The following MYH1 variants were observed in gnomAD, a reference collection of about 807,000 sequenced individuals.
MYH1 encodes myosin heavy chain 1.
A neutral mutation model predicts 225.6 loss-of-function variants in MYH1; 214 were observed. That is an observed-to-expected ratio of 0.95 (90% CI 0.85 to 1.06). The LOEUF (loss-of-function observed/expected upper bound fraction) is 1.06, where lower values mean the gene tolerates loss of function less well. Ranked by LOEUF, MYH1 falls within the 50% of genes least tolerant of loss-of-function variation. The pLI, the probability that MYH1 is intolerant of heterozygous loss-of-function variation, is 0.00. For missense variants in MYH1, 2,098 were observed against 2,344.2 expected, an observed-to-expected ratio of 0.89 and a Z score of 2.17; for synonymous variants, 774 against 842.3, an observed-to-expected ratio of 0.92 and a Z score of 1.40.
At chr17:10,514,927 G>T in intron 5 of MYH1, 32 bp from the exon 6 acceptor site, 1 of 1,606,362 alleles carries the variant, frequency 6.2e-7, no homozygotes, top group Non-Finnish European at 8.5e-7. Flanking sequence ...ATCAGCATAT[G>T]TATCAGTTAC....
chr17:10,516,419 C>G lies in MYH1; in HGVS notation c.204+20G>C. Reference sequence around the variant, plus strand: ...CCAAAATGAGGCAGAGTCTAATCAGCTCCAGGTGTTTTTACTCACAGCTCC... The same window carrying G: ...CCAAAATGAGGCAGAGTCTAATCAGGTCCAGGTGTTTTTACTCACAGCTCC... On this transcript the variant is annotated intron_variant, in intron 3 of 39. Coordinates refer to ENST00000226207, the MANE Select transcript of MYH1 (RefSeq NM_005963.4). The G allele has an allele frequency of 6.2e-7, 1 of 1,614,202 alleles. No individual in the cohort carries two copies. The highest frequency in any genetic ancestry group is 1.6e-4 in the Middle Eastern group (1 of 6,062).
At position 10,512,795 on chromosome 17, in the gene MYH1, G is replaced by A. The variant is rs761547837; in HGVS notation, c.905-11C>T. The A allele has an allele frequency of 3.1e-6, 5 of 1,612,606 alleles. No homozygotes were observed. The East Asian group carries it at 8.9e-5, about 29-fold the overall frequency. ...TGATCAGGAGCATTTCTGGGTCACA[G>A]AATTCAGGGCATATGTTTTACATTA... is the stretch of plus-strand genomic sequence containing the variant. On this transcript the variant is annotated splice_polypyrimidine_tract_variant and intron_variant, in intron 10 of 39. Coordinates refer to ENST00000226207, the MANE Select transcript of MYH1 (RefSeq NM_005963.4).
intron 17 of MYH1, among the ~76,000 whole-genome samples, chr17:10,507,027 G>C (rs2142270015): frequency 6.6e-6 from 1 of 152,228 alleles, no homozygotes; most frequent in South Asian, 2.1e-4. Flanking sequence ...AGTTATTAGA[G>C]ATGGAATCAG....
rs764120209 is a variant in MYH1 at position 10,516,491 on chromosome 17, G to C, written c.152C>G (p.Thr51Arg). The change falls in exon 3 of 40, where the codon ACA (threonine) becomes AGA (arginine). Residue 51 changes from threonine (T) to arginine (R), a missense_variant. By Grantham distance (71) the Thr-to-Arg change is moderately conservative (BLOSUM62 -1). Transcript: ENST00000226207. ...VDPKESFVKA[T>R]VQSREGGKVT... ...CTTCCCCCCTTCCCTGCTCTGCACT[G>C]TTGCTTTCACAAAGGACTCCTTAGG... The C allele has an allele frequency of 8.1e-6, 13 of 1,614,086 alleles. No individual in the cohort carries two copies. Among genetic ancestry groups the C allele is most frequent in the Non-Finnish European group, 8.5e-6 (10 of 1,180,054 alleles).
chr17:10,495,126 G>A (rs745544399), intron 36 of MYH1, 25 bp from the exon 37 acceptor site: 3 of 1,614,206 alleles, frequency 1.9e-6, no homozygotes. Context: ...AACAGAATGG[G>A]TTAAGACAGC....
rs752209461 is a variant in MYH1 at position 10,509,581 on chromosome 17, G to A, written c.1491C>T (p.Phe497=). Residue 497 remains phenylalanine, a synonymous_variant, in exon 15 of 40, where the codon TTC becomes TTT. Coordinates refer to ENST00000226207, the MANE Select transcript of MYH1 (RefSeq NM_005963.4). ...TCTTGTACTCCTCCTGCTCCAGCAC[G>A]AACATGTGGTGGTTGAAAAACTGTT... ...KLQQFFNHHM[F]VLEQEEYKKE... 13 of 1,614,150 alleles carry A rather than the reference G, an allele frequency of 8.1e-6. No individual in the cohort carries two copies. The highest frequency in any genetic ancestry group is 1.3e-5 in the African/African-American group (1 of 75,022).
chr17:10,511,972 C>A lies in MYH1; in HGVS notation c.1283G>T (p.Gly428Val). Residue 428 changes from glycine (G) to valine (V), a missense_variant, in exon 14 of 40, where the codon GGT becomes GTT. Physicochemically the swap from Gly to Val is moderately radical, Grantham distance 109. Transcript: ENST00000226207. ...QTVQQVYNAVGALAKAVYDKM... is the reference protein window; with the variant it reads ...QTVQQVYNAVVALAKAVYDKM... ...ATCGTAGACAGCTTTGGCCAGAGCACCCACTGCATTGTACACCTTCACAGA... is the reference window on the plus strand; with the variant it reads ...ATCGTAGACAGCTTTGGCCAGAGCAACCACTGCATTGTACACCTTCACAGA... The A allele has an allele frequency of 6.2e-7, 1 of 1,614,158 alleles. No individual in the cohort carries two copies. The highest frequency in any genetic ancestry group is 8.5e-7 in the Non-Finnish European group (1 of 1,180,032).
chr17:10,507,627 C>T (rs74728767), intron 17 of MYH1, among the ~76,000 whole-genome samples: 100 of 152,180 alleles, frequency 6.6e-4, no homozygotes, highest in African/African-American at 2.2e-3. Context: ...CGAATTTTGC[C>T]GTCTAATACT....
intron 17 of MYH1, 56 bp from the exon 18 acceptor site, chr17:10,506,155 T>C (rs2073110769): frequency 6.3e-7 from 1 of 1,590,878 alleles, no homozygotes. Context: ...TACATTCATA[T>C]TTATAGACAT....
chr17:10,509,439 A>C (rs774619925), intron 15 of MYH1, 46 bp downstream of exon 15: 7 of 1,612,152 alleles, frequency 4.3e-6, no homozygotes, highest in African/African-American at 1.3e-5. Context: ...TTTCTTTTAA[A>C]TACTGTACAG....
At chr17:10,503,628 C>T (rs879933822) in intron 22 of MYH1, among the ~76,000 whole-genome samples, 7 of 152,086 alleles carry the variant, frequency 4.6e-5, no homozygotes, top group Non-Finnish European at 7.4e-5. Flanking sequence ...AGAAAAGTGC[C>T]TTAACAGGAA....
intron 5 of MYH1, among the ~76,000 whole-genome samples, chr17:10,515,331 AC>A (rs969890467): frequency 1.3e-5 from 2 of 152,184 alleles, no homozygotes; most frequent in African/African-American, 4.8e-5. Flanking sequence ...CCCAAAGTGT[AC>A]CATTGTGTTA....
intron 17 of MYH1, among the ~76,000 whole-genome samples, 195 bp from the exon 18 acceptor site, chr17:10,506,294 A>C (rs1207577404): frequency 2.0e-5 from 3 of 152,150 alleles, no homozygotes; most frequent in Non-Finnish European, 4.4e-5. Context: ...GTGCATTAGA[A>C]GCATAGTTTT....
chr17:10,500,179 A>G (rs1005414029), intron 28 of MYH1, among the ~76,000 whole-genome samples: 1 of 152,188 alleles, frequency 6.6e-6, no homozygotes, highest in Non-Finnish European at 1.5e-5. Flanking sequence ...TAAAATGGGG[A>G]TAGTATTACA....
intron 5 of MYH1, among the ~76,000 whole-genome samples, chr17:10,515,721 GC>G (rs1195210482): frequency 6.6e-6 from 1 of 152,190 alleles, no homozygotes; most frequent in Middle Eastern, 3.2e-3. Flanking sequence ...TAATAGCATG[GC>G]CTAGTAAAGT....
rs762951568 is a variant in MYH1 at position 10,496,064 on chromosome 17, C to T, written c.5055G>A (p.Leu1685=). ...CCCGCAGCTCCTCGATCTCAGCCTG[C>T]AGCAGGTTGGCTCTGCGCTCCACCA... The part of the protein sequence containing the change: ...LAMVERRANL[L]QAEIEELRAT... Residue 1685 remains leucine, a synonymous_variant, in exon 35 of 40, where the codon CTG becomes CTA. Coordinates refer to ENST00000226207, the MANE Select transcript of MYH1 (RefSeq NM_005963.4). 9.9e-6 allele frequency: 16 copies of T among 1,614,066 alleles called. No homozygotes were observed. In the African/African-American group the frequency reaches 2.1e-4, roughly 22 times the overall value.
At position 10,516,194 on chromosome 17, in the gene MYH1, C is replaced by T. The variant is rs759004713; in HGVS notation, c.348+5G>A. ...ATGAGTAGAAGACCGTGAGAAAGAA[C>T]TCACGTAGATCATCCAGGCTGCGTA... On this transcript the variant is annotated splice_donor_5th_base_variant and intron_variant, in intron 4 of 39. Coordinates refer to ENST00000226207, the MANE Select transcript of MYH1 (RefSeq NM_005963.4). 15 of 1,614,160 alleles carry T rather than the reference C, an allele frequency of 9.3e-6. No individual in the cohort carries two copies. The highest frequency in any genetic ancestry group is 1.3e-5 in the Non-Finnish European group (15 of 1,180,020).
chr17:10,496,278 G>A lies in MYH1; in HGVS notation c.4928C>T (p.Ala1643Val), dbSNP rs756229241. ...TTGGGTGTTCCTATAGTTCCTCAGGGCCTCAGCAGCCATGCGGTTGGCATG... is the reference window on the plus strand; with the variant it reads ...TTGGGTGTTCCTATAGTTCCTCAGGACCTCAGCAGCCATGCGGTTGGCATG... ...LNHANRMAAEALRNYRNTQAI... is the reference protein window; with the variant it reads ...LNHANRMAAEVLRNYRNTQAI... Residue 1643 changes from alanine to valine, a missense_variant, in exon 34 of 40, where the codon GCC (alanine) becomes GTC (valine). Ala to Val is a moderately conservative substitution (Grantham distance 64). Coordinates refer to ENST00000226207, the MANE Select transcript of MYH1 (RefSeq NM_005963.4). 1.1e-5 allele frequency: 17 copies of A among 1,614,004 alleles called. No homozygotes were observed. The highest frequency in any genetic ancestry group is 1.4e-5 in the Non-Finnish European group (17 of 1,180,044).
At chr17:10,500,773 A>C (rs1286496590) in intron 27 of MYH1, 21 bp from the exon 28 acceptor site, 3 of 1,613,944 alleles carry the variant, frequency 1.9e-6, no homozygotes, top group Non-Finnish European at 2.5e-6. Flanking sequence ...AAAGTGGTAG[A>C]AGGCATCTCA....
Sources: gnomAD v4.1 joint callset for allele counts (sites outside exome capture counted in the v4.1 genomes callset) on GRCh38, gnomAD v4.1.1 for gene constraint, MANE v1.5 for transcripts, NCBI Gene and HGNC (gene_info 2026-07-23, HGNC 2026-07-21) for gene names.